ATP5MC2: variants seen among roughly 807,000 people sequenced by gnomAD.
ATP5MC2 encodes the protein ATP synthase F(0) complex subunit C2, mitochondrial.
ATP5MC2 carries 11 observed loss-of-function variants against 13.5 expected under a neutral mutation model. The observed-to-expected ratio is 0.81, with a 90% CI of 0.51 to 1.35. The LOEUF is 1.35. Ranked by LOEUF, ATP5MC2 falls within the 40% of genes most tolerant of loss-of-function variation. ATP5MC2 has a pLI of 0.00. For synonymous variants in ATP5MC2, 64 were observed against 69.7 expected, an observed-to-expected ratio of 0.92 and a Z score of 0.41; for missense variants, 132 against 175.0, an observed-to-expected ratio of 0.75 and a Z score of 1.39.
intron 2 of ATP5MC2, among the ~76,000 whole-genome samples, chr12:53,672,260 C>T (rs192702489): frequency 1.9e-3 from 294 of 152,054 alleles, no homozygotes; most frequent in Middle Eastern, 0.017. Context: ...CTTGCTCTGA[C>T]GCCCAGGCTG....
chr12:53,675,586 GACTTTAGACGATCC>G (rs1593059457), intron 1 of ATP5MC2, among the ~76,000 whole-genome samples: 1 of 152,308 alleles, frequency 6.6e-6, no homozygotes, highest in African/African-American at 2.4e-5. Flanking sequence ...AGGGATTGGT[GACTTTAGACGATCC>G]ACTATCTCCA....
intron 4 of ATP5MC2, among the ~76,000 whole-genome samples, chr12:53,667,619 C>T (rs1267322954): frequency 2.0e-5 from 3 of 152,020 alleles, no homozygotes; most frequent in Admixed American, 2.0e-4. Flanking sequence ...GCCTCAGCCT[C>T]CTGAGTAGCT....
intron 1 of ATP5MC2, chr12:53,672,870 G>A: frequency 2.0e-6 from 1 of 511,940 alleles, no homozygotes; most frequent in South Asian, 2.3e-5. Flanking sequence ...GTCTGAACAA[G>A]TGAACACTTG....
intron 1 of ATP5MC2, chr12:53,673,999 G>A (rs910570763): frequency 1.3e-5 from 2 of 152,994 alleles, no homozygotes; most frequent in South Asian, 2.0e-4. Context: ...TTATCTGGGT[G>A]GTGTACGTAT....
intron 2 of ATP5MC2, chr12:53,670,176 C>A: frequency 1.8e-6 from 1 of 567,008 alleles, no homozygotes. Context: ...GAAAGAAAGT[C>A]TACTTCCTTT....
chr12:53,674,254 G>A (rs1945200239), intron 1 of ATP5MC2, among the ~76,000 whole-genome samples: 1 of 152,190 alleles, frequency 6.6e-6, no homozygotes, highest in Non-Finnish European at 1.5e-5. Flanking sequence ...TGAGGCAGGA[G>A]GACTGCTTGA....
upstream of ATP5MC2, chr12:53,677,458 G>T (rs1016175525): frequency 6.6e-6 from 1 of 152,264 alleles, no homozygotes; most frequent in African/African-American, 2.4e-5. Flanking sequence ...TTTCAATGCG[G>T]CCAATCCATC....
At chr12:53,670,152 G>A in intron 2 of ATP5MC2, 1 of 612,480 alleles carries the variant, frequency 1.6e-6, no homozygotes, top group Non-Finnish European at 3.0e-6. Context: ...TTGCTTCTCA[G>A]ACTTTGCTTT....
At chr12:53,677,786 A>G (rs963121616), upstream of ATP5MC2, among the ~76,000 whole-genome samples, 6 of 152,252 alleles carry the variant, frequency 3.9e-5, no homozygotes, top group Non-Finnish European at 8.8e-5. Flanking sequence ...TCAAGTACCA[A>G]GTGGTGCCAG....
upstream of ATP5MC2, among the ~76,000 whole-genome samples, chr12:53,681,001 G>A (rs150528051): frequency 3.0e-4 from 45 of 152,048 alleles, no homozygotes; most frequent in African/African-American, 1.1e-3. Context: ...CCGCCTCCTG[G>A]GTTCAAGCAA....
At chr12:53,670,795 G>T (rs1168187342) in intron 2 of ATP5MC2, among the ~76,000 whole-genome samples, 1 of 151,658 alleles carries the variant, frequency 6.6e-6, no homozygotes, top group African/African-American at 2.4e-5. Context: ...GCTAATTTTT[G>T]TATTTTTAGT....
intron 4 of ATP5MC2, among the ~76,000 whole-genome samples, chr12:53,668,296 T>C (rs1472042261): frequency 6.6e-6 from 1 of 150,752 alleles, no homozygotes; most frequent in Non-Finnish European, 1.5e-5. Flanking sequence ...CCTATATTTG[T>C]TTTTTTCTTT....
chr12:53,678,340 TCACCACCACCAC>T (rs374475099), upstream of ATP5MC2, among the ~76,000 whole-genome samples: 1,139 of 151,434 alleles, frequency 7.5e-3, 13 homozygotes, highest in African/African-American at 0.026. Context: ...ATCATCATCG[TCACCACCACCAC>T]CACCACCACC....
At chr12:53,676,332 G>A, upstream of ATP5MC2, 6 of 1,324,730 alleles carry the variant, frequency 4.5e-6, no homozygotes, top group Non-Finnish European at 6.2e-6. Context: ...GTGGACTGCG[G>A]TTTGGTCTGT....
intron 4 of ATP5MC2, among the ~76,000 whole-genome samples, chr12:53,668,170 G>A (rs569755033): frequency 6.6e-6 from 1 of 150,766 alleles, no homozygotes; most frequent in South Asian, 2.1e-4. Flanking sequence ...TGTATTTTTA[G>A]CAGAGACAGG....
At chr12:53,668,348 G>T (rs1305735819) in intron 4 of ATP5MC2, among the ~76,000 whole-genome samples, 2 of 150,860 alleles carry the variant, frequency 1.3e-5, no homozygotes, top group African/African-American at 4.9e-5. Context: ...CTAGGCTGGA[G>T]TACAGTGGCA....
At position 53,669,326 on chromosome 12, in the gene ATP5MC2, C is replaced by T; in HGVS notation, c.133G>A (p.Ala45Thr). The T allele has an allele frequency of 1.2e-6, 2 of 1,613,262 alleles. No homozygotes were observed. Among genetic ancestry groups the T allele is most frequent in the Admixed American group, 3.3e-5 (2 of 59,852 alleles). The change falls in exon 4 of 5, where the codon GCA becomes ACA. Residue 45 changes from alanine (A) to threonine (T), a missense_variant. Coordinates refer to ENST00000394349, the MANE Select transcript of ATP5MC2 (RefSeq NM_005176.7). The part of the protein sequence containing the change: ...ILTDESLSSL[A>T]VSCPLTSLVS... ...AGTGAGGTAAGGGGACATGAGACTG[C>T]CAAGCTGCTGAGGCTCTGTGAAAAA...
intron 4 of ATP5MC2, among the ~76,000 whole-genome samples, chr12:53,668,295 GTTT>G (rs1371377371): frequency 1.3e-5 from 2 of 148,738 alleles, no homozygotes; most frequent in African/African-American, 4.9e-5. Context: ...GCCTATATTT[GTTT>G]TTTTCTTTTT....
intron 4 of ATP5MC2, among the ~76,000 whole-genome samples, chr12:53,668,236 G>A (rs117672487): frequency 0.034 from 5,154 of 150,614 alleles, 156 homozygotes; most frequent in Middle Eastern, 0.073. Flanking sequence ...TGATCCACTC[G>A]CCTTGACCTC....
Sources: gnomAD v4.1 joint callset for allele counts (sites outside exome capture counted in the v4.1 genomes callset) on GRCh38, gnomAD v4.1.1 for gene constraint, MANE v1.5 for transcripts, NCBI Gene and HGNC (gene_info 2026-07-23, HGNC 2026-07-21) for gene names.